EPHA6: variants seen among roughly 807,000 people sequenced by gnomAD.
The protein encoded by EPHA6 is ephrin type-A receptor 6.
In EPHA6, 50 loss-of-function variants were observed where a neutral mutation model predicts 112.0. The ratio of observed to expected loss-of-function variants is 0.45; its 90% CI spans 0.36 to 0.56. The LOEUF (loss-of-function observed/expected upper bound fraction) is 0.56. Among genes scored for constraint, EPHA6 ranks in the 20% least tolerant of loss-of-function variants. EPHA6 has a pLI of 0.00. For synonymous variants in EPHA6, 529 were observed against 490.7 expected, an observed-to-expected ratio of 1.08 and a Z score of -1.03; for missense variants, 1,280 against 1,417.4, an observed-to-expected ratio of 0.90 and a Z score of 1.56.
At chr3:96,840,908 T>C (rs900760733) in intron 1 of EPHA6, among the ~76,000 whole-genome samples, 1 of 152,100 alleles carries the variant, frequency 6.6e-6, no homozygotes, top group Non-Finnish European at 1.5e-5. Context: ...CTACCAGAGC[T>C]TTAAAAGTAA....
At chr3:97,154,663 TA>T in intron 3 of EPHA6, among the ~76,000 whole-genome samples, 1 of 152,316 alleles carries the variant, frequency 6.6e-6, no homozygotes, top group African/African-American at 2.4e-5. Flanking sequence ...GCTTGTGTAA[TA>T]ATGCTATAAC....
intron 11 of EPHA6, among the ~76,000 whole-genome samples, chr3:97,588,923 G>T (rs2093516772): frequency 6.6e-6 from 1 of 152,116 alleles, no homozygotes; most frequent in Non-Finnish European, 1.5e-5. Context: ...ACATGTGCGG[G>T]TTTGTTACAT....
chr3:97,251,523 G>A (rs1000093051), intron 5 of EPHA6, among the ~76,000 whole-genome samples: 8 of 151,176 alleles, frequency 5.3e-5, no homozygotes, highest in Admixed American at 4.6e-4. Context: ...GGGAGACTCC[G>A]TCTCAAAAAA....
intron 14 of EPHA6, among the ~76,000 whole-genome samples, chr3:97,707,360 C>G (rs1185745689): frequency 6.6e-6 from 1 of 152,074 alleles, no homozygotes; most frequent in African/African-American, 2.4e-5. Flanking sequence ...GTACATTCAC[C>G]TTTTAAAAAT....
chr3:97,114,447 T>C (rs903177434), intron 3 of EPHA6, among the ~76,000 whole-genome samples: 4 of 152,084 alleles, frequency 2.6e-5, no homozygotes, highest in African/African-American at 9.6e-5. Context: ...CCCATGGTTA[T>C]GCCACAACAA....
intron 14 of EPHA6, among the ~76,000 whole-genome samples, chr3:97,658,205 GA>G (rs1171522991): frequency 1.3e-5 from 2 of 151,828 alleles, no homozygotes; most frequent in East Asian, 3.9e-4. Context: ...TTATAATGAA[GA>G]GTGAGACTAT....
At chr3:97,679,090 T>C (rs1277110283) in intron 14 of EPHA6, among the ~76,000 whole-genome samples, 6 of 152,190 alleles carry the variant, frequency 3.9e-5, no homozygotes, top group African/African-American at 1.4e-4. Flanking sequence ...GCTTGTTTAT[T>C]ATTTATTAGT....
intron 5 of EPHA6, among the ~76,000 whole-genome samples, chr3:97,276,163 C>G (rs142503513): frequency 0.015 from 2,231 of 152,130 alleles, 54 homozygotes; most frequent in African/African-American, 0.049. Flanking sequence ...GACGGACTTA[C>G]CCTCCACTGT....
intron 7 of EPHA6, among the ~76,000 whole-genome samples, chr3:97,461,089 C>T (rs559164857): frequency 9.0e-4 from 137 of 152,216 alleles, no homozygotes; most frequent in Middle Eastern, 3.4e-3. Flanking sequence ...ATAATCCTAA[C>T]GGTTACTCCA....
intron 6 of EPHA6, among the ~76,000 whole-genome samples, chr3:97,430,695 T>C (rs540344945): frequency 6.6e-6 from 1 of 152,156 alleles, no homozygotes. Context: ...ATTACTTTAA[T>C]GAGATAAATT....
chr3:96,974,737 C>T (rs888560137), intron 2 of EPHA6, among the ~76,000 whole-genome samples: 3 of 151,938 alleles, frequency 2.0e-5, no homozygotes, highest in Non-Finnish European at 4.4e-5. Flanking sequence ...GAAATTTTGC[C>T]AGAGTCTCTT....
chr3:97,436,033 T>C (rs923042445), intron 6 of EPHA6, among the ~76,000 whole-genome samples: 2 of 152,162 alleles, frequency 1.3e-5, no homozygotes, highest in Non-Finnish European at 2.9e-5. Context: ...ATATTACTTA[T>C]AGTCGCTCAG....
intron 5 of EPHA6, 89 bp downstream of exon 5, chr3:97,244,376 C>A: frequency 8.8e-7 from 1 of 1,137,204 alleles, no homozygotes; most frequent in South Asian, 1.4e-5. Flanking sequence ...ATTGCAGGTG[C>A]TATGCAGTCA....
At chr3:97,179,181 A>G (rs1393308514) in intron 3 of EPHA6, among the ~76,000 whole-genome samples, 1 of 152,034 alleles carries the variant, frequency 6.6e-6, no homozygotes, top group Non-Finnish European at 1.5e-5. Context: ...ATTCTTCAGT[A>G]TACCAATTAC....
rs114640061 is a variant in EPHA6 at position 97,091,197 on chromosome 3, T to C, written c.1114+103204T>C. ...TCAGACAGTAGAGCATTTTGCAAAA[T>C]AGGTTTTCCTTTGATGTTCTCTATA... On this transcript the variant is annotated intron_variant, in intron 3 of 17. Coordinates refer to ENST00000389672, the MANE Select transcript of EPHA6 (RefSeq NM_001080448.3). Among the ~76,000 whole-genome samples the C allele has an allele frequency of 4.6e-3, 696 of 152,214 alleles. 4 individuals carry two copies. Among genetic ancestry groups the C allele is most frequent in the African/African-American group, 0.016 (676 of 41,554 alleles).
intron 3 of EPHA6, among the ~76,000 whole-genome samples, chr3:97,052,421 T>A (rs562922407): frequency 6.6e-6 from 1 of 152,122 alleles, no homozygotes; most frequent in African/African-American, 2.4e-5. Context: ...TTTAATTTTT[T>A]TTTCTTTGTC....
At chr3:97,448,503 A>C in intron 6 of EPHA6, 65 bp from the exon 7 acceptor site, 1 of 1,530,138 alleles carries the variant, frequency 6.5e-7, no homozygotes, top group Non-Finnish European at 9.0e-7. Context: ...AAACTTTGGA[A>C]TGTTTCTAGG....
intron 3 of EPHA6, among the ~76,000 whole-genome samples, chr3:96,997,158 T>G (rs2043452900): frequency 6.6e-6 from 1 of 152,038 alleles, no homozygotes; most frequent in Non-Finnish European, 1.5e-5. Context: ...AATTCCATGT[T>G]AGGGTCTTAT....
At position 97,412,206 on chromosome 3, in the gene EPHA6, C is replaced by T. The variant is rs2087767931; in HGVS notation, c.1731+6932C>T. On this transcript the variant is annotated intron_variant, in intron 6 of 17. Coordinates refer to ENST00000389672, the MANE Select transcript of EPHA6 (RefSeq NM_001080448.3). ...AAACAAAACTCTCTTTCCTACTGCT[C>T]AGAGGGCTGGAATTCTTTTGGTGGT... Among the ~76,000 whole-genome samples the T allele has an allele frequency of 2.6e-5, 4 of 152,156 alleles. No homozygotes were observed. In the South Asian group the frequency reaches 8.3e-4, roughly 32 times the overall value.
Sources: allele counts gnomAD v4.1 joint callset (sites outside exome capture counted in the v4.1 genomes callset), GRCh38; gene constraint gnomAD v4.1.1; transcripts MANE v1.5; gene names NCBI Gene and HGNC (gene_info 2026-07-23, HGNC 2026-07-21).